Variants in PDE1B observed in about 807,000 individuals in gnomAD.
The protein encoded by PDE1B is dual specificity calcium/calmodulin-dependent 3',5'-cyclic nucleotide phosphodiesterase 1B.
PDE1B carries 13 observed loss-of-function variants against 66.7 expected under a neutral mutation model. That is an observed-to-expected ratio of 0.19 (90% CI 0.13 to 0.31). The LOEUF is 0.31. Ranked by LOEUF, PDE1B falls within the 10% of genes least tolerant of loss-of-function variation. The pLI, the probability that PDE1B is intolerant of heterozygous loss-of-function variation, is 1.00. For synonymous variants in PDE1B, 230 were observed against 253.9 expected, an observed-to-expected ratio of 0.91 and a Z score of 0.90; for missense variants, 485 against 682.3, an observed-to-expected ratio of 0.71 and a Z score of 3.22.
At chr12:54,564,345 AAGC>A (rs1414350340) in intron 2 of PDE1B, among the ~76,000 whole-genome samples, 2 of 151,490 alleles carry the variant, frequency 1.3e-5, no homozygotes, top group Admixed American at 6.6e-5. Context: ...AAAAAAAAAA[AAGC>A]AGGCCGGGTG....
chr12:54,561,695 G>GATC (rs749092586), intron 2 of PDE1B: 125 of 1,279,222 alleles, frequency 9.8e-5, no homozygotes, highest in Non-Finnish European at 1.3e-4. Context: ...GTTGCTCATG[G>GATC]ATCCACCAGT....
intron 14 of PDE1B, chr12:54,576,972 CT>C (rs1957764786): frequency 3.3e-6 from 2 of 605,180 alleles, no homozygotes; most frequent in Non-Finnish European, 5.8e-6. Flanking sequence ...AATGGTGCCC[CT>C]GTAGATTTGG....
Position 54,573,590 on chromosome 12 carries a change from C to T in PDE1B, c.963-18C>T. On this transcript the variant is annotated intron_variant, in intron 9 of 15. Transcript: ENST00000243052. The surrounding 1 kb of genome is among the most constrained non-coding windows in gnomAD (Gnocchi z 5.2). ...AGCGCTGAGGGGACTGATTGCTTCT[C>T]TTTTTATGTCCGCTCAGAGAACTCC... 1.9e-6 allele frequency: 3 copies of T among 1,613,200 alleles called. No individual in the cohort carries two copies. Among genetic ancestry groups the T allele is most frequent in the East Asian group, 2.2e-5 (1 of 44,868 alleles).
intron 6 of PDE1B, chr12:54,570,581 C>T: frequency 1.9e-6 from 1 of 534,450 alleles, no homozygotes; most frequent in Non-Finnish European, 3.4e-6. Flanking sequence ...GGTCTGCAAC[C>T]ATCTAGCCTG....
Position 54,573,806 on chromosome 12 carries a change from C to A in PDE1B, c.1064+97C>A, listed in dbSNP as rs1957664398. On this transcript the variant is annotated intron_variant, in intron 10 of 15. Transcript: ENST00000243052. The surrounding 1 kb of genome is among the most constrained non-coding windows in gnomAD (Gnocchi z 5.2). Reference sequence around the variant, plus strand: ...GGGTAGTTGGTGTGCCAGGTCTTTACCTCGCTGTAGAGACTCCACTGGCTT... The same window carrying A: ...GGGTAGTTGGTGTGCCAGGTCTTTAACTCGCTGTAGAGACTCCACTGGCTT... The A allele has an allele frequency of 7.1e-6, 6 of 842,860 alleles. No homozygotes were observed. Among genetic ancestry groups the A allele is most frequent in the Admixed American group, 5.3e-5 (3 of 56,714 alleles). The allele number at this position is 842,860 out of a possible 1,614,324, so 52.2% of individuals were successfully genotyped here. A position where few individuals can be genotyped will look rare whatever the true frequency, so the allele number is the denominator to read the frequency against.
At position 54,573,870 on chromosome 12, in the gene PDE1B, A is replaced by AGAGAGAGAGAGAGAGAGAGAGT. The variant is rs774810310; in HGVS notation, c.1064+162_1064+163insAGAGAGAGAGAGAGAGAGAGTG. 3.6e-5 allele frequency: 18 copies of AGAGAGAGAGAGAGAGAGAGAGT among 502,108 alleles called. No homozygotes were observed. Among genetic ancestry groups the AGAGAGAGAGAGAGAGAGAGAGT allele is most frequent in the African/African-American group, 3.3e-4 (15 of 44,970 alleles). The allele number at this position is 502,108 out of a possible 1,614,324, so 31.1% of individuals were successfully genotyped here. A position where few individuals can be genotyped will look rare whatever the true frequency, so the allele number is the denominator to read the frequency against. ...GCATCTCTATGTGAGAGAGAGAGAG[A>AGAGAGAGAGAGAGAGAGAGAGT]GTGTGTGTGTGTGTGTGTGTGTGTG... On this transcript the variant is annotated intron_variant, in intron 10 of 15. Transcript: ENST00000243052. The surrounding 1 kb of genome is among the most constrained non-coding windows in gnomAD (Gnocchi z 5.2).
At position 54,572,552 on chromosome 12, in the gene PDE1B, C is replaced by T. The variant is rs1295536082; in HGVS notation, c.595-49C>T. ...GTTGATCTCGGTCCGTAATCACCAC[C>T]ATTCCTGTGGATCCTTGATATATCT... is the stretch of plus-strand genomic sequence containing the variant. On this transcript the variant is annotated intron_variant, in intron 6 of 15. Coordinates refer to ENST00000243052, the MANE Select transcript of PDE1B (RefSeq NM_000924.4). 3 of 1,553,310 alleles carry T rather than the reference C, an allele frequency of 1.9e-6. No homozygotes were observed. In the South Asian group the frequency reaches 3.5e-5, roughly 18 times the overall value.
chr12:54,563,395 T>C, intron 2 of PDE1B, among the ~76,000 whole-genome samples: 1 of 152,258 alleles, frequency 6.6e-6, no homozygotes, highest in East Asian at 1.9e-4. Flanking sequence ...ATGGATGAGT[T>C]GTGTGACCTT....
At position 54,567,503 on chromosome 12, in the gene PDE1B, C is replaced by T. The variant is rs1255803389; in HGVS notation, c.227+416C>T. ...GGTGTGACAGAGCAAGACCCTGTCT[C>T]AAAATAAATAAATAAATAAATAAAT... On this transcript the variant is annotated intron_variant, in intron 3 of 15. Coordinates refer to ENST00000243052, the MANE Select transcript of PDE1B (RefSeq NM_000924.4). Among the ~76,000 whole-genome samples, 13 of 18,118 alleles carry T rather than the reference C, an allele frequency of 7.2e-4. No homozygotes were observed. In the East Asian group the frequency reaches 0.15, roughly 206 times the overall value. The allele number at this position is 18,118 out of a possible 152,430, so 11.9% of individuals were successfully genotyped here.
intron 3 of PDE1B, among the ~76,000 whole-genome samples, chr12:54,568,696 T>C (rs185087755): frequency 0.015 from 2,344 of 151,964 alleles, 23 homozygotes; most frequent in Admixed American, 0.022. Flanking sequence ...CTCAGGAGGC[T>C]GAGGCAGGAG....
intron 2 of PDE1B, among the ~76,000 whole-genome samples, chr12:54,560,693 G>A (rs1957395218): frequency 6.6e-6 from 1 of 152,188 alleles, no homozygotes; most frequent in African/African-American, 2.4e-5. Flanking sequence ...CGGGAGAGGG[G>A]TTCCTGGTCC....
At position 54,572,550 on chromosome 12, in the gene PDE1B, A is replaced by G. The variant is rs756332644; in HGVS notation, c.595-51A>G. 4 of 1,554,854 alleles carry G rather than the reference A, an allele frequency of 2.6e-6. No individual in the cohort carries two copies. The South Asian group carries it at 3.4e-5, about 13-fold the overall frequency. On this transcript the variant is annotated intron_variant, in intron 6 of 15. Transcript: ENST00000243052. Reference sequence around the variant, plus strand: ...TTGTTGATCTCGGTCCGTAATCACCACCATTCCTGTGGATCCTTGATATAT... The same window carrying G: ...TTGTTGATCTCGGTCCGTAATCACCGCCATTCCTGTGGATCCTTGATATAT...
In PDE1B at chr12:54,573,740, G is replaced by A; in HGVS notation, c.1064+31G>A. The A allele has an allele frequency of 6.5e-7, 1 of 1,530,590 alleles. No homozygotes were observed. The highest frequency in any genetic ancestry group is 9.1e-7 in the Non-Finnish European group (1 of 1,104,430). 94.8% of individuals were successfully genotyped at this position (1,530,590 alleles called of 1,614,324 possible). On this transcript the variant is annotated intron_variant, in intron 10 of 15. Coordinates refer to ENST00000243052, the MANE Select transcript of PDE1B (RefSeq NM_000924.4). The surrounding 1 kb of genome is among the most constrained non-coding windows in gnomAD (Gnocchi z 5.2). ...ATCTGGTGGGGTGTGGCTGGGGCCA[G>A]GCCAGAGGGAGGGGTGTGTGAACTG...
chr12:54,577,133 T>G, intron 14 of PDE1B, 92 bp from the exon 15 acceptor site: 2 of 1,070,056 alleles, frequency 1.9e-6, no homozygotes, highest in African/African-American at 1.6e-5. Context: ...GGTTGATGGA[T>G]GAGAATCCCT....
rs142403478 is a variant in PDE1B, at chr12:54,573,856, T to TGAGAGAGAGAGAGAGAGAGAGAGA, written c.1064+162_1064+163insAGAGAGAGAGAGAGAGAGAGAGAG. Reference sequence around the variant, plus strand: ...TCAGGTATCAGACTGCATCTCTATGTGAGAGAGAGAGAGAGTGTGTGTGTG... The same window carrying TGAGAGAGAGAGAGAGAGAGAGAGA: ...TCAGGTATCAGACTGCATCTCTATGTGAGAGAGAGAGAGAGAGAGAGAGAGAGAGAGAGAGAGAGTGTGTGTGTG... On this transcript the variant is annotated intron_variant, in intron 10 of 15. Transcript: ENST00000243052. This position sits in a 1 kb window ranked among gnomAD's most constrained non-coding sequence, Gnocchi z 5.2. The TGAGAGAGAGAGAGAGAGAGAGAGA allele has an allele frequency of 5.0e-6, 2 of 403,444 alleles. No homozygotes were observed. The highest frequency in any genetic ancestry group is 5.2e-5 in the African/African-American group (2 of 38,278). The allele number at this position is 403,444 out of a possible 1,614,324, so 25.0% of individuals were successfully genotyped here. A position where few individuals can be genotyped will look rare whatever the true frequency, so the allele number is the denominator to read the frequency against.
chr12:54,566,474 C>T (rs566725847), intron 2 of PDE1B, among the ~76,000 whole-genome samples: 35 of 152,324 alleles, frequency 2.3e-4, no homozygotes, highest in Middle Eastern at 3.4e-3. Flanking sequence ...GCTGTGGACA[C>T]GTAACCCCCA....
intron 6 of PDE1B, chr12:54,571,652 C>G (rs1957618102): frequency 6.6e-6 from 1 of 152,208 alleles, no homozygotes; most frequent in African/African-American, 2.4e-5. Context: ...TCTCAAACTC[C>G]ACATTCTTTT....
At chr12:54,561,685 G>A (rs1370000417) in intron 2 of PDE1B, 10 of 1,364,452 alleles carry the variant, frequency 7.3e-6, no homozygotes, top group African/African-American at 2.9e-5. Flanking sequence ...GAAAGGACAG[G>A]TTGCTCATGG....
chr12:54,555,460 G>A (rs994576338), intron 2 of PDE1B, among the ~76,000 whole-genome samples: 1 of 152,132 alleles, frequency 6.6e-6, no homozygotes, highest in Non-Finnish European at 1.5e-5. Context: ...AGAGGAAGGC[G>A]AAAGAGGTTG....
Sources: gnomAD v4.1 joint callset for allele counts (sites outside exome capture counted in the v4.1 genomes callset) on GRCh38, gnomAD v4.1.1 for gene constraint, Gnocchi (gnomAD v3.1) non-coding constraint, MANE v1.5 for transcripts, NCBI Gene and HGNC (gene_info 2026-07-23, HGNC 2026-07-21) for gene names.